Variants in PLEKHA8 observed in about 807,000 individuals in gnomAD.
The protein encoded by PLEKHA8 is pleckstrin homology domain containing A8.
PLEKHA8 carries 36 observed loss-of-function variants against 68.2 expected under a neutral mutation model. That is an observed-to-expected ratio of 0.53 (90% CI 0.40 to 0.70). The LOEUF (loss-of-function observed/expected upper bound fraction) is 0.70. Among genes scored for constraint, PLEKHA8 ranks in the 30% least tolerant of loss-of-function variants. PLEKHA8 has a pLI of 0.00. For missense variants in PLEKHA8, 505 were observed against 615.4 expected (o/e 0.82, Z 1.90); for synonymous variants, 211 against 216.1 (o/e 0.98, Z 0.20).
Position 30,054,700 on chromosome 7 carries a change from A to G in PLEKHA8, c.797-9A>G, listed in dbSNP as rs370438512. 135 of 1,524,416 alleles carry G rather than the reference A, an allele frequency of 8.9e-5. 1 individual carries two copies. The East Asian group carries it at 2.4e-3, about 27-fold the overall frequency. 94.4% of individuals were successfully genotyped at this position (1,524,416 alleles called of 1,614,324 possible). A position where few individuals can be genotyped will look rare whatever the true frequency, so the allele number is the denominator to read the frequency against. ...AATAGGTTAGTAATAGATATTTTCT[A>G]CTTTGCAGTCCAAGGTGAAATAAGG... is the stretch of plus-strand genomic sequence containing the variant. On this transcript the variant is annotated splice_polypyrimidine_tract_variant and intron_variant, in intron 7 of 13. Transcript: ENST00000449726.
chr7:30,113,615 A>G (rs775454589), intron 13 of PLEKHA8, among the ~76,000 whole-genome samples: 2 of 152,132 alleles, frequency 1.3e-5, no homozygotes, highest in Non-Finnish European at 2.9e-5. Context: ...TTACAATTCT[A>G]GTAGAGTCTA....
At chr7:30,046,966 T>TACC (rs1792007162) in intron 3 of PLEKHA8, among the ~76,000 whole-genome samples, 3 of 152,348 alleles carry the variant, frequency 2.0e-5, no homozygotes, top group East Asian at 3.9e-4. Flanking sequence ...GGGGCAAGAA[T>TACC]ACCAGGGCTT....
chr7:30,126,263 T>C (rs1050469850), intron 13 of PLEKHA8, among the ~76,000 whole-genome samples: 2 of 151,956 alleles, frequency 1.3e-5, no homozygotes, highest in African/African-American at 4.8e-5. Context: ...AAGGACTGTA[T>C]TGGATATTTC....
chr7:30,128,091 A>ATTTTTTTTTTTTTTTTT (rs35173428), intron 13 of PLEKHA8, among the ~76,000 whole-genome samples: 2 of 122,720 alleles, frequency 1.6e-5, no homozygotes, highest in Non-Finnish European at 1.7e-5. Flanking sequence ...GTTTTACTGT[A>ATTTTTTTTTTTTTTTTT]TTTTTTTTTT....
chr7:30,082,441 C>A lies in PLEKHA8; in HGVS notation c.*3654C>A. On this transcript the variant is annotated 3_prime_UTR_variant, in exon 14 of 14. Transcript: ENST00000449726. ...CTGATCAGTGGGGATTCTGTTCCCC[C>A]ACCCCCCAGACTGCAAGAGCTTCTT... 5 of 985,354 alleles carry A rather than the reference C, an allele frequency of 5.1e-6. No homozygotes were observed. Among genetic ancestry groups the A allele is most frequent in the Non-Finnish European group, 4.8e-6 (4 of 829,922 alleles). 61.0% of individuals were successfully genotyped at this position (985,354 alleles called of 1,614,324 possible).
chr7:30,032,545 C>G (rs559117794), intron 1 of PLEKHA8, among the ~76,000 whole-genome samples: 97 of 152,304 alleles, frequency 6.4e-4, no homozygotes, highest in African/African-American at 2.3e-3. Flanking sequence ...CTGAAGGTCA[C>G]ACAGCCACTT....
intron 13 of PLEKHA8, among the ~76,000 whole-genome samples, chr7:30,128,514 T>G (rs1796820180): frequency 6.6e-6 from 1 of 152,270 alleles, no homozygotes; most frequent in African/African-American, 2.4e-5. Flanking sequence ...GAATTATTTA[T>G]TCCATCTTGG....
At chr7:30,115,698 A>G (rs142262965) in intron 13 of PLEKHA8, 1 of 145,478 alleles carries the variant, frequency 6.9e-6, no homozygotes, top group Non-Finnish European at 1.5e-5. Context: ...GCATACACGT[A>G]TACATGTATA....
At chr7:30,129,382 A>G in exon 14 of PLEKHA8, 1 of 1,589,756 alleles carries the variant, frequency 6.3e-7, no homozygotes, top group Non-Finnish European at 8.6e-7. Context: ...TGAAACCCTG[A>G]TGATAAAGAA....
intron 9 of PLEKHA8, among the ~76,000 whole-genome samples, chr7:30,059,718 G>A (rs77614785): frequency 0.015 from 2,055 of 141,344 alleles, 25 homozygotes; most frequent in Non-Finnish European, 0.025. Context: ...TGGCTTTTTA[G>A]CTATACCTCT....
chr7:30,046,441 T>C (rs1263939619), intron 3 of PLEKHA8, 76 bp downstream of exon 3: 2 of 1,478,326 alleles, frequency 1.4e-6, no homozygotes, highest in Non-Finnish European at 9.0e-7. Context: ...TTATTTGTTA[T>C]CTTGCTTCTG....
rs1205031215 is a variant in PLEKHA8, at chr7:30,101,138, C to T, written c.1362+27006C>T. 4.7e-5 allele frequency among the ~76,000 whole-genome samples: 7 copies of T among 149,256 alleles called. No homozygotes were observed. In the East Asian group the frequency reaches 5.9e-4, roughly 13 times the overall value. On this transcript the variant is annotated intron_variant, in intron 13 of 13. Transcript: ENST00000396257. ...CTGGGAGGCAGAGATTGCAGTGAGC[C>T]GAGATTGCACTCCAGCCTGGGCAAC...
At chr7:30,075,672 A>C (rs1423545705) in intron 13 of PLEKHA8, among the ~76,000 whole-genome samples, 1 of 152,166 alleles carries the variant, frequency 6.6e-6, no homozygotes, top group Non-Finnish European at 1.5e-5. Flanking sequence ...TATTGTGATT[A>C]TTGTGATTGC....
At chr7:30,114,586 A>G (rs1389830300) in intron 13 of PLEKHA8, among the ~76,000 whole-genome samples, 2 of 152,154 alleles carry the variant, frequency 1.3e-5, no homozygotes, top group African/African-American at 2.4e-5. Context: ...ATTCTATTAT[A>G]TGAAGTTTTA....
chr7:30,048,042 A>G (rs1264408390), intron 4 of PLEKHA8, 86 bp downstream of exon 4: 1 of 773,270 alleles, frequency 1.3e-6, no homozygotes, highest in African/African-American at 1.9e-5. Context: ...GAGGTAAAAT[A>G]TTATTTTATT....
chr7:30,099,779 T>A (rs949968320), intron 13 of PLEKHA8, among the ~76,000 whole-genome samples: 12 of 152,280 alleles, frequency 7.9e-5, no homozygotes, highest in African/African-American at 2.9e-4. Flanking sequence ...CTCTCTGAAT[T>A]CCCACATGAA....
chr7:30,048,008 G>C, intron 4 of PLEKHA8, 52 bp downstream of exon 4: 1 of 1,010,020 alleles, frequency 9.9e-7, no homozygotes. Context: ...TATAAAAGAA[G>C]TGACTACCAG....
At position 30,054,813 on chromosome 7, in the gene PLEKHA8, T is replaced by G. The variant is rs750091493; in HGVS notation, c.901T>G (p.Trp301Gly). 1 of 1,612,226 alleles carries G rather than the reference T, an allele frequency of 6.2e-7. No homozygotes were observed. Among genetic ancestry groups the G allele is most frequent in the African/African-American group, 1.3e-5 (1 of 74,986 alleles). ...SDSSCSPECL[W>G]EEGKEVIPTF... ...CTCAAGTTGCTCTCCGGAATGCCTC[T>G]GGGAGGAAGGCAAAGAAGTTATCCC... Residue 301 changes from tryptophan (W) to glycine (G), a missense_variant, in exon 8 of 14, where the codon TGG (tryptophan) becomes GGG (glycine). Trp to Gly is a radical substitution (Grantham distance 184, BLOSUM62 -2). Coordinates refer to ENST00000449726, the MANE Select transcript of PLEKHA8 (RefSeq NM_001197026.2).
intron 4 of PLEKHA8, 128 bp downstream of exon 4, chr7:30,048,084 C>T (rs1293086250): frequency 1.2e-5 from 6 of 487,856 alleles, no homozygotes; most frequent in Non-Finnish European, 1.4e-5. Context: ...AAGCACCAGA[C>T]GTTGCTTACA....
Sources: allele counts gnomAD v4.1 joint callset (sites outside exome capture counted in the v4.1 genomes callset), GRCh38; gene constraint gnomAD v4.1.1; transcripts MANE v1.5; gene names NCBI Gene and HGNC (gene_info 2026-07-23, HGNC 2026-07-21).